Variants in RUFY4 observed in about 807,000 individuals in gnomAD.
RUFY4 encodes the protein RUN and FYVE domain containing 4.
A neutral mutation model predicts 69.0 loss-of-function variants in RUFY4; 73 were observed. The observed-to-expected ratio is 1.06, with a 90% confidence interval of 0.88 to 1.29. The LOEUF is 1.29. Ranked by LOEUF, RUFY4 falls within the 50% of genes most tolerant of loss-of-function variation. The pLI, the probability that RUFY4 is intolerant of heterozygous loss-of-function variation, is 0.00. For missense variants in RUFY4, 770 were observed against 705.6 expected (o/e 1.09, Z -1.03); for synonymous variants, 287 against 271.8 (o/e 1.06, Z -0.55).
chr2:218,040,514 C>T (rs572259119), intron 2 of RUFY4, among the ~76,000 whole-genome samples: 3 of 152,226 alleles, frequency 2.0e-5, no homozygotes, highest in Admixed American at 1.3e-4. Context: ...GTGTTCATTT[C>T]TGTGGGACCT....
chr2:218,044,222 G>A (rs1049144734), intron 2 of RUFY4, among the ~76,000 whole-genome samples: 1 of 152,202 alleles, frequency 6.6e-6, no homozygotes, highest in African/African-American at 2.4e-5. Flanking sequence ...GAAGGCCCAG[G>A]CTGCACCTCC....
At chr2:218,080,152 G>A (rs1207548306) in intron 8 of RUFY4, among the ~76,000 whole-genome samples, 37 of 152,170 alleles carry the variant, frequency 2.4e-4, no homozygotes, top group Non-Finnish European at 7.3e-5. Context: ...AGGAGAGAGC[G>A]GCAGAGCCGG....
intron 8 of RUFY4, among the ~76,000 whole-genome samples, chr2:218,080,124 C>T (rs1034726061): frequency 6.6e-6 from 1 of 152,140 alleles, no homozygotes; most frequent in Admixed American, 6.5e-5. Flanking sequence ...CAGATGCATA[C>T]GGGGTGTGGC....
chr2:218,053,346 CTTTTT>C (rs35134006), intron 2 of RUFY4, among the ~76,000 whole-genome samples: 1 of 135,148 alleles, frequency 7.4e-6, no homozygotes, highest in Non-Finnish European at 1.6e-5. Context: ...GATATTAAAC[CTTTTT>C]TTTTTTTTTT....
intron 2 of RUFY4, among the ~76,000 whole-genome samples, 192 bp downstream of exon 4, chr2:218,071,051 C>T (rs547403805): frequency 3.3e-5 from 5 of 152,278 alleles, no homozygotes; most frequent in East Asian, 1.9e-4. Flanking sequence ...TGGGGCAAAG[C>T]GGGGCTGGAA....
intron 8 of RUFY4, among the ~76,000 whole-genome samples, chr2:218,081,194 C>G (rs775046168): frequency 3.9e-5 from 6 of 152,182 alleles, no homozygotes; most frequent in South Asian, 2.1e-4. Flanking sequence ...CACTGACAGA[C>G]AGCTCAGGTC....
exon 8 of RUFY4, chr2:218,076,533 G>A (rs1265978337): frequency 6.5e-7 from 1 of 1,550,102 alleles, no homozygotes; most frequent in Non-Finnish European, 8.7e-7. Context: ...CAGCTCAGCA[G>A]GTAACCTTGG....
chr2:218,084,233 T>C (rs1186115919), intron 9 of RUFY4, among the ~76,000 whole-genome samples: 2 of 151,790 alleles, frequency 1.3e-5, no homozygotes, highest in Non-Finnish European at 2.9e-5. Flanking sequence ...GTTTTTTGTT[T>C]GCTTGTTTTT....
exon 10 of RUFY4, chr2:218,089,358 T>G (rs760184498): frequency 1.9e-6 from 3 of 1,613,596 alleles, no homozygotes; most frequent in Non-Finnish European, 2.5e-6. Flanking sequence ...GCGGTATCCA[T>G]GCAGGTAAAG....
At chr2:218,076,683 A>AT in intron 8 of RUFY4, 150 bp downstream of exon 10, 4 of 1,319,788 alleles carry the variant, frequency 3.0e-6, no homozygotes, top group Non-Finnish European at 4.0e-6. Flanking sequence ...CCTGCAGGGC[A>AT]TTGCTCCTGA....
At chr2:218,038,175 T>C (rs970087144) in intron 2 of RUFY4, among the ~76,000 whole-genome samples, 2 of 152,246 alleles carry the variant, frequency 1.3e-5, no homozygotes, top group Non-Finnish European at 2.9e-5. Context: ...ATGAAAGTTA[T>C]CAGAGTCCTT....
At chr2:218,072,268 T>C (rs1689506406) in intron 2 of RUFY4, 106 bp from the exon 5 acceptor site, 2 of 1,387,880 alleles carry the variant, frequency 1.4e-6, no homozygotes, top group Admixed American at 2.2e-5. Context: ...CGGGTGTGTC[T>C]GCAGGAGCCC....
chr2:218,068,511 C>A, upstream of RUFY4: 1 of 153,064 alleles, frequency 6.5e-6, no homozygotes, highest in Non-Finnish European at 1.5e-5. Context: ...TGGGGCATCC[C>A]TTGTGCTGGT....
upstream of RUFY4, chr2:218,070,463 G>A (rs1423526083): frequency 2.7e-6 from 2 of 727,754 alleles, no homozygotes; most frequent in African/African-American, 3.5e-5. Context: ...TAGGTAACTT[G>A]CTATGTCACC....
At chr2:218,073,998 C>G in intron 6 of RUFY4, 113 bp downstream of exon 8, 6 of 1,040,848 alleles carry the variant, frequency 5.8e-6, no homozygotes, top group Middle Eastern at 2.0e-4. Context: ...CCTGACCCTA[C>G]AGGACAGACA....
upstream of RUFY4, among the ~76,000 whole-genome samples, chr2:218,067,341 G>T (rs1300790636): frequency 1.3e-5 from 2 of 152,256 alleles, no homozygotes; most frequent in African/African-American, 4.8e-5. Context: ...GGGCATGGAA[G>T]TAGCAGGACT....
intron 2 of RUFY4, among the ~76,000 whole-genome samples, chr2:218,056,229 G>GTTTTTTTT (rs796703457): frequency 2.3e-5 from 3 of 128,810 alleles, no homozygotes; most frequent in African/African-American, 2.9e-5. Context: ...GCTGGTTGTT[G>GTTTTTTTT]TTTTTTTTTT....
In RUFY4 at chr2:218,073,883, A is replaced by T. The variant is rs1161942395; in HGVS notation, c.598A>T (p.Lys200Ter). Reference sequence around the variant, plus strand: ...CAGAAAAAACAAAGATGCCCCAAAGAAGGTGCCTCTGCCCTGCCTTCACTC... The same window carrying T: ...CAGAAAAAACAAAGATGCCCCAAAGTAGGTGCCTCTGCCCTGCCTTCACTC... Residue 200 changes from lysine to a stop codon, truncating the protein, a stop_gained and splice_region_variant, in exon 6 of 11, where the codon AAG (lysine) becomes TAG (stop). Transcript: ENST00000344321. LOFTEE classifies it high-confidence loss of function. 26 of 1,613,810 alleles carry T rather than the reference A, an allele frequency of 1.6e-5. No homozygotes were observed. Among genetic ancestry groups the T allele is most frequent in the Non-Finnish European group, 2.2e-5 (26 of 1,179,824 alleles).
intron 9 of RUFY4, among the ~76,000 whole-genome samples, chr2:218,086,542 C>T (rs967618249): frequency 6.6e-6 from 1 of 152,204 alleles, no homozygotes; most frequent in Admixed American, 6.5e-5. Context: ...GAAAAACTGA[C>T]TTTTGCCCTA....
Sources: allele counts gnomAD v4.1 joint callset (sites outside exome capture counted in the v4.1 genomes callset), GRCh38; gene constraint gnomAD v4.1.1; transcripts MANE v1.5; gene names NCBI Gene and HGNC (gene_info 2026-07-23, HGNC 2026-07-21).